Variants in PIEZO2 observed in about 807,000 individuals in gnomAD.
PIEZO2 encodes the protein piezo type mechanosensitive ion channel component 2.
Under a neutral mutation model 337.3 loss-of-function variants are expected in PIEZO2, and 172 were observed. That is an observed-to-expected ratio of 0.51 (90% confidence interval 0.45 to 0.58). The LOEUF (loss-of-function observed/expected upper bound fraction) is 0.58. Among genes scored for constraint, PIEZO2 ranks in the 20% least tolerant of loss-of-function variants. The pLI, the probability that PIEZO2 is intolerant of heterozygous loss-of-function variation, is 0.00. For synonymous variants in PIEZO2, 1,251 were observed against 1,228.5 expected, an observed-to-expected ratio of 1.02 and a Z score of -0.38; for missense variants, 3,028 against 3,391.3, an observed-to-expected ratio of 0.89 and a Z score of 2.66.
intron 3 of PIEZO2, among the ~76,000 whole-genome samples, chr18:10,977,667 A>G (rs1332623520): frequency 6.6e-6 from 1 of 152,168 alleles, no homozygotes. Flanking sequence ...AGATTTTAAT[A>G]ATGGGATAAC....
chr18:10,779,489 G>A (rs879567601), intron 18 of PIEZO2, among the ~76,000 whole-genome samples: 7 of 152,242 alleles, frequency 4.6e-5, no homozygotes, highest in South Asian at 2.1e-4. Flanking sequence ...TTTATTTTGT[G>A]TGGACATTAT....
At chr18:10,687,252 A>C (rs2034585648) in intron 49 of PIEZO2, among the ~76,000 whole-genome samples, 1 of 151,730 alleles carries the variant, frequency 6.6e-6, no homozygotes, top group African/African-American at 2.4e-5. Context: ...CCCAGTGTCC[A>C]TTAGCCATTC....
chr18:10,764,279 T>C (rs1417196760), intron 21 of PIEZO2, among the ~76,000 whole-genome samples: 1 of 152,172 alleles, frequency 6.6e-6, no homozygotes, highest in East Asian at 1.9e-4. Flanking sequence ...CAACTAAACA[T>C]GTACCAAGCA....
chr18:11,017,482 CTT>C (rs35472040), intron 2 of PIEZO2, among the ~76,000 whole-genome samples: 41 of 141,406 alleles, frequency 2.9e-4, no homozygotes, highest in Admixed American at 2.8e-4. Context: ...TGCAGTTTTG[CTT>C]TTTTTTTTTT....
Position 10,696,235 on chromosome 18 carries a change from C to T in PIEZO2, c.7029G>A (p.Pro2343=), listed in dbSNP as rs140656342. ...ITSSLSEDQV[P]GPFLVMVLIQ... ...TGAGGACCATCACCAAAAACGGCCC[C>T]GGGACCTGGTCCTCTGACAGTGAAG... The change falls in exon 47 of 56, where the codon CCG becomes CCA. Residue 2343 remains proline, a synonymous_variant. Coordinates refer to ENST00000674853, the MANE Select transcript of PIEZO2 (RefSeq NM_001378183.1). 2.4e-4 allele frequency: 385 copies of T among 1,614,054 alleles called. No homozygotes were observed. The highest frequency in any genetic ancestry group is 3.1e-4 in the Non-Finnish European group (365 of 1,180,026).
chr18:10,991,193 CATACATAT>C lies in PIEZO2; in HGVS notation c.161-11541_161-11534del, dbSNP rs1220301097. Among the ~76,000 whole-genome samples, 407 of 147,850 alleles carry C rather than the reference CATACATAT, an allele frequency of 2.8e-3. 2 individuals carry two copies. The highest frequency in any genetic ancestry group is 9.2e-3 in the African/African-American group (368 of 39,992). ...ACACACACACACACACACACACATA[CATACATAT>C]ATACATATATATATACACACACACA... On this transcript the variant is annotated intron_variant, in intron 2 of 55. Coordinates refer to ENST00000674853, the MANE Select transcript of PIEZO2 (RefSeq NM_001378183.1).
At chr18:10,704,700 T>A (rs1284637654) in intron 41 of PIEZO2, 48 bp from the exon 42 acceptor site, 3 of 1,510,498 alleles carry the variant, frequency 2.0e-6, no homozygotes, top group Non-Finnish European at 2.7e-6. Context: ...TTTCTTCTTT[T>A]TGAGATGGAG....
intron 49 of PIEZO2, among the ~76,000 whole-genome samples, chr18:10,688,710 C>A (rs1454258523): frequency 1.3e-5 from 2 of 152,090 alleles, no homozygotes; most frequent in Admixed American, 6.6e-5. Flanking sequence ...TGCACAGATA[C>A]CCCTATTTTT....
intron 7 of PIEZO2, among the ~76,000 whole-genome samples, chr18:10,836,198 G>A (rs1248814960): frequency 2.0e-5 from 3 of 152,116 alleles, no homozygotes; most frequent in Non-Finnish European, 4.4e-5. Flanking sequence ...TTGGGAGTTA[G>A]ATCAACTCTT....
Position 11,077,546 on chromosome 18 carries a change from T to C in PIEZO2, c.65-11324A>G, listed in dbSNP as rs1437945771. The stretch of plus-strand genomic sequence containing the variant: ...CTAGCTGGGCATGGTGGTGCATGCC[T>C]ATAGTCCCAGCTACTCTACATGGGA... On this transcript the variant is annotated intron_variant, in intron 1 of 55. Transcript: ENST00000674853. The surrounding 1 kb of genome is among the most constrained non-coding windows in gnomAD (Gnocchi z 4.8). Among the ~76,000 whole-genome samples, 3 of 152,130 alleles carry C rather than the reference T, an allele frequency of 2.0e-5. No individual in the cohort carries two copies. Among genetic ancestry groups the C allele is most frequent in the Non-Finnish European group, 4.4e-5 (3 of 68,020 alleles).
At position 10,943,471 on chromosome 18, in the gene PIEZO2, T is replaced by C. The variant is rs1300922169; in HGVS notation, c.287-32243A>G. ...TTAAGATTTGACTGCCCTGCTGGATTTCAGACTTGCATGGGGCCTGTAGCA... is the reference window on the plus strand; with the variant it reads ...TTAAGATTTGACTGCCCTGCTGGATCTCAGACTTGCATGGGGCCTGTAGCA... On this transcript the variant is annotated intron_variant, in intron 3 of 55. Transcript: ENST00000674853. The surrounding 1 kb of genome is among the most constrained non-coding windows in gnomAD (Gnocchi z 4.5). Among the ~76,000 whole-genome samples the C allele has an allele frequency of 6.6e-6, 1 of 152,198 alleles. No individual in the cohort carries two copies. The highest frequency in any genetic ancestry group is 1.5e-5 in the Non-Finnish European group (1 of 68,038).
chr18:11,109,612 G>C lies in PIEZO2; in HGVS notation c.64+38913C>G, dbSNP rs189984417. ...ATGCACCTGTAATCCCAGCTACACCGGAGGCTGAGGCAAGAGAATTGTTTG... is the reference window on the plus strand; with the variant it reads ...ATGCACCTGTAATCCCAGCTACACCCGAGGCTGAGGCAAGAGAATTGTTTG... On this transcript the variant is annotated intron_variant, in intron 1 of 55. Transcript: ENST00000674853. The surrounding 1 kb of genome is among the most constrained non-coding windows in gnomAD (Gnocchi z 5.1). Among the ~76,000 whole-genome samples, 3 of 152,226 alleles carry C rather than the reference G, an allele frequency of 2.0e-5. No individual in the cohort carries two copies. In the East Asian group the frequency reaches 5.8e-4, roughly 29 times the overall value.
chr18:11,005,165 A>C (rs1475314588), intron 2 of PIEZO2, among the ~76,000 whole-genome samples: 1 of 152,232 alleles, frequency 6.6e-6, no homozygotes, highest in Admixed American at 6.5e-5. Flanking sequence ...GAATGGGGGA[A>C]AAACAATTAG....
rs935748572 is a variant in PIEZO2, at chr18:10,681,644, T to C, written c.7779+17A>G. ...ATGAGAGGTCTTCACAGAAATCTAC[T>C]ATAGGGATTTACTTACGGTGTCCCT... On this transcript the variant is annotated intron_variant, in intron 51 of 55. Transcript: ENST00000674853. 1.3e-6 allele frequency: 2 copies of C among 1,546,028 alleles called. No homozygotes were observed. Among genetic ancestry groups the C allele is most frequent in the South Asian group, 1.1e-5 (1 of 89,488 alleles).
At chr18:10,923,016 T>G (rs2031521369) in intron 3 of PIEZO2, among the ~76,000 whole-genome samples, 1 of 152,162 alleles carries the variant, frequency 6.6e-6, no homozygotes, top group Admixed American at 6.5e-5. Flanking sequence ...AACAAACCTC[T>G]GATACCCATT....
In PIEZO2 at chr18:10,671,795, A is replaced by C. The variant is rs1181461467; in HGVS notation, c.8346-16T>G. On this transcript the variant is annotated splice_polypyrimidine_tract_variant and intron_variant, in intron 55 of 55. Coordinates refer to ENST00000674853, the MANE Select transcript of PIEZO2 (RefSeq NM_001378183.1). The stretch of plus-strand genomic sequence containing the variant: ...TCCCATAATACTGAAAAAAACAGTA[A>C]GTAGAAATTGCATACAGCAGTTAAA... 6.3e-7 allele frequency: 1 copy of C among 1,592,588 alleles called. No homozygotes were observed. The highest frequency in any genetic ancestry group is 2.2e-5 in the East Asian group (1 of 44,466).
At chr18:10,932,328 C>T (rs11080471) in intron 3 of PIEZO2, among the ~76,000 whole-genome samples, 66,890 of 151,812 alleles carry the variant, frequency 0.44, 15,062 homozygotes, top group South Asian at 0.62. Flanking sequence ...CCTGGGAAGT[C>T]GAGCCAGCAG....
intron 1 of PIEZO2, among the ~76,000 whole-genome samples, chr18:11,091,315 C>T (rs1488579605): frequency 1.4e-5 from 2 of 146,094 alleles, no homozygotes; most frequent in African/African-American, 2.6e-5. Context: ...CCCCGGGAGG[C>T]GGAGGTTGCA....
chr18:10,678,549 A>T (rs2034117878), intron 52 of PIEZO2, among the ~76,000 whole-genome samples: 1 of 152,196 alleles, frequency 6.6e-6, no homozygotes, highest in South Asian at 2.1e-4. Context: ...CATGGACCCA[A>T]ATGAACCTAC....
Sources: gnomAD v4.1 joint callset for allele counts (sites outside exome capture counted in the v4.1 genomes callset) on GRCh38, gnomAD v4.1.1 for gene constraint, Gnocchi (gnomAD v3.1) non-coding constraint, MANE v1.5 for transcripts, NCBI Gene and HGNC (gene_info 2026-07-23, HGNC 2026-07-21) for gene names.